KIAA0825: variants seen among roughly 807,000 people sequenced by gnomAD.
The protein encoded by KIAA0825 is uncharacterized protein KIAA0825.
A neutral mutation model predicts 147.6 loss-of-function variants in KIAA0825; 119 were observed. The observed-to-expected ratio is 0.81, with a 90% CI of 0.69 to 0.94. The LOEUF is 0.94. KIAA0825 is among the 40% of genes least tolerant of loss of function. KIAA0825 has a pLI of 0.00. For synonymous variants in KIAA0825, 470 were observed against 518.1 expected (o/e 0.91, Z 1.26); for missense variants, 1,381 against 1,472.7 (o/e 0.94, Z 1.02).
At chr5:94,164,701 C>T (rs184177993) in intron 20 of KIAA0825, among the ~76,000 whole-genome samples, 49 of 152,132 alleles carry the variant, frequency 3.2e-4, no homozygotes, top group Admixed American at 9.8e-4. Context: ...GTGAGCCACA[C>T]GTGCCCGGCC....
intron 12 of KIAA0825, among the ~76,000 whole-genome samples, chr5:94,460,533 A>G (rs1367827513): frequency 6.6e-6 from 1 of 152,126 alleles, no homozygotes; most frequent in Non-Finnish European, 1.5e-5. Flanking sequence ...CAAATGTCAG[A>G]TACAGTTTAT....
At position 94,553,516 on chromosome 5, in the gene KIAA0825, G is replaced by A. The variant is rs959985527; in HGVS notation, c.-1-16389C>T. On this transcript the variant is annotated intron_variant, in intron 2 of 20. Coordinates refer to ENST00000682413, the MANE Select transcript of KIAA0825 (RefSeq NM_001145678.3). ...CAGTGGCTCATGCCTGTAATCCCCA[G>A]CAATTTGGGAGGCCAAGGCGGGTCG... 7.3e-5 allele frequency among the ~76,000 whole-genome samples: 11 copies of A among 150,906 alleles called. No homozygotes were observed. In the East Asian group the frequency reaches 2.2e-3, roughly 29 times the overall value.
At chr5:94,304,041 C>T (rs1270328202) in intron 20 of KIAA0825, among the ~76,000 whole-genome samples, 1 of 152,004 alleles carries the variant, frequency 6.6e-6, no homozygotes, top group Non-Finnish European at 1.5e-5. Context: ...ATCTGTTTGG[C>T]CCAGAAAACT....
At chr5:94,560,985 A>T (rs969036502) in intron 2 of KIAA0825, among the ~76,000 whole-genome samples, 1 of 152,190 alleles carries the variant, frequency 6.6e-6, no homozygotes, top group African/African-American at 2.4e-5. Flanking sequence ...TTTTATATTT[A>T]TGAGGTTACT....
At chr5:94,473,774 T>A (rs1251769359) in intron 7 of KIAA0825, among the ~76,000 whole-genome samples, 8 of 152,344 alleles carry the variant, frequency 5.3e-5, no homozygotes, top group South Asian at 4.1e-4. Context: ...AAAAACTTTT[T>A]AAAAAATTTA....
At chr5:94,454,206 A>C (rs1206048862) in intron 12 of KIAA0825, among the ~76,000 whole-genome samples, 1 of 152,194 alleles carries the variant, frequency 6.6e-6, no homozygotes, top group Non-Finnish European at 1.5e-5. Flanking sequence ...TCCTACACAG[A>C]GTTAAGAGTA....
chr5:94,184,682 C>T (rs1040870145), intron 20 of KIAA0825, among the ~76,000 whole-genome samples: 8 of 152,110 alleles, frequency 5.3e-5, no homozygotes, highest in Admixed American at 6.5e-5. Context: ...GAAGATTAAA[C>T]TTATGAAAAT....
At chr5:94,470,521 A>C (rs906243211) in intron 9 of KIAA0825, among the ~76,000 whole-genome samples, 1 of 152,192 alleles carries the variant, frequency 6.6e-6, no homozygotes, top group African/African-American at 2.4e-5. Context: ...CCACAAACAC[A>C]TTCTTTATTT....
At chr5:94,404,193 A>G (rs1751751475) in intron 15 of KIAA0825, among the ~76,000 whole-genome samples, 1 of 152,188 alleles carries the variant, frequency 6.6e-6, no homozygotes, top group Admixed American at 6.5e-5. Flanking sequence ...GGATATAAGA[A>G]AAAATAAAAA....
chr5:94,545,290 T>C (rs377346538), intron 2 of KIAA0825, among the ~76,000 whole-genome samples: 282 of 152,208 alleles, frequency 1.9e-3, no homozygotes, highest in Admixed American at 4.8e-3. Flanking sequence ...GATACAAGGA[T>C]GGCTATTCCT....
intron 6 of KIAA0825, among the ~76,000 whole-genome samples, chr5:94,483,698 G>A (rs1043540868): frequency 2.6e-5 from 4 of 151,426 alleles, no homozygotes; most frequent in African/African-American, 9.7e-5. Flanking sequence ...TAATATAACA[G>A]TGTTACCTAA....
chr5:94,553,195 T>C (rs1775862753), intron 2 of KIAA0825, among the ~76,000 whole-genome samples: 2 of 152,056 alleles, frequency 1.3e-5, no homozygotes, highest in South Asian at 2.1e-4. Context: ...TCCCAGTACT[T>C]TGGGAGGCGG....
intron 12 of KIAA0825, among the ~76,000 whole-genome samples, chr5:94,459,889 AG>A (rs1759596691): frequency 6.6e-6 from 1 of 152,136 alleles, no homozygotes; most frequent in Admixed American, 6.6e-5. Context: ...AGATTTAGGT[AG>A]GGCAATATTA....
intron 20 of KIAA0825, among the ~76,000 whole-genome samples, chr5:94,324,711 A>C (rs187192055): frequency 6.6e-6 from 1 of 152,122 alleles, no homozygotes; most frequent in African/African-American, 2.4e-5. Context: ...ATGAAAGTCA[A>C]ATTTTTTAAA....
At chr5:94,387,769 T>C (rs1275232448) in intron 18 of KIAA0825, among the ~76,000 whole-genome samples, 1 of 150,982 alleles carries the variant, frequency 6.6e-6, no homozygotes, top group East Asian at 1.9e-4. Flanking sequence ...CCACCCTCAA[T>C]GGTTGGTGCT....
chr5:94,595,463 G>A (rs1156703625), intron 1 of KIAA0825, among the ~76,000 whole-genome samples: 2 of 152,182 alleles, frequency 1.3e-5, no homozygotes, highest in East Asian at 1.9e-4. Context: ...ACTGCACACA[G>A]CAGCAAAGCC....
intron 5 of KIAA0825, among the ~76,000 whole-genome samples, chr5:94,492,637 A>T (rs754909525): frequency 2.0e-5 from 3 of 152,228 alleles, no homozygotes; most frequent in Non-Finnish European, 4.4e-5. Flanking sequence ...CATTTGGGGT[A>T]TCACTAGTGA....
At chr5:94,346,931 T>G (rs1189652497) in intron 20 of KIAA0825, among the ~76,000 whole-genome samples, 1 of 152,114 alleles carries the variant, frequency 6.6e-6, no homozygotes, top group African/African-American at 2.4e-5. Flanking sequence ...TTCAAGCCTG[T>G]ATGACTCTGC....
intron 14 of KIAA0825, among the ~76,000 whole-genome samples, chr5:94,423,704 C>T (rs1163577871): frequency 6.6e-6 from 1 of 152,054 alleles, no homozygotes; most frequent in Non-Finnish European, 1.5e-5. Flanking sequence ...AATGAGCATC[C>T]CTCACCAAAG....
Sources: allele counts gnomAD v4.1 joint callset (sites outside exome capture counted in the v4.1 genomes callset), GRCh38; gene constraint gnomAD v4.1.1; transcripts MANE v1.5; gene names NCBI Gene and HGNC (gene_info 2026-07-23, HGNC 2026-07-21).